CPLANE1: variants seen among roughly 807,000 people sequenced by gnomAD.
CPLANE1 encodes the protein ciliogenesis and planar polarity effector 1.
A neutral mutation model predicts 362.5 loss-of-function variants in CPLANE1; 263 were observed. The observed-to-expected ratio is 0.73, with a 90% CI of 0.66 to 0.80. CPLANE1 has a LOEUF of 0.80. CPLANE1 is among the 30% of genes least tolerant of loss of function. The pLI is 0.00. For missense variants in CPLANE1, 3,461 were observed against 3,793.4 expected (o/e 0.91, Z 2.30); for synonymous variants, 1,212 against 1,302.6 (o/e 0.93, Z 1.50).
chr5:37,234,173 A>G (rs1186030911), intron 8 of CPLANE1, among the ~76,000 whole-genome samples: 1 of 152,186 alleles, frequency 6.6e-6, no homozygotes, highest in Non-Finnish European at 1.5e-5. Flanking sequence ...CAGAAAACAT[A>G]AGAAAAGCAA....
chr5:37,196,780 T>C (rs559686748), intron 20 of CPLANE1, among the ~76,000 whole-genome samples: 2 of 152,006 alleles, frequency 1.3e-5, no homozygotes, highest in South Asian at 2.1e-4. Flanking sequence ...CAAAAATTAG[T>C]TGGGCGAGGT....
chr5:37,240,437 C>A (rs922145940), intron 6 of CPLANE1, among the ~76,000 whole-genome samples: 2 of 152,142 alleles, frequency 1.3e-5, no homozygotes, highest in Non-Finnish European at 2.9e-5. Context: ...AGCATCTCCT[C>A]GGATTCTTGT....
At chr5:37,198,219 A>C (rs1174483080) in intron 20 of CPLANE1, among the ~76,000 whole-genome samples, 6 of 152,310 alleles carry the variant, frequency 3.9e-5, no homozygotes, top group African/African-American at 1.4e-4. Flanking sequence ...ATAGAAGGGG[A>C]TGAACACCTG....
intron 31 of CPLANE1, among the ~76,000 whole-genome samples, chr5:37,174,292 A>T (rs1451811612): frequency 6.6e-6 from 1 of 152,244 alleles, no homozygotes; most frequent in East Asian, 1.9e-4. Context: ...TTAGCTGTAC[A>T]GACTTCACAA....
intron 43 of CPLANE1, 197 bp from the exon 44 acceptor site, chr5:37,142,677 A>AT: frequency 2.6e-6 from 1 of 389,008 alleles, no homozygotes; most frequent in Non-Finnish European, 4.5e-6. Context: ...AATAAACAAG[A>AT]TTTATTAGAC....
chr5:37,114,046 C>T (rs368413194), intron 51 of CPLANE1, among the ~76,000 whole-genome samples: 1 of 152,078 alleles, frequency 6.6e-6, no homozygotes, highest in Admixed American at 6.5e-5. Context: ...TTCTTGGCCT[C>T]GTGATCCAAC....
In CPLANE1 at chr5:37,165,633, C is replaced by T. The variant is rs1778043029; in HGVS notation, c.7439G>A (p.Arg2480Lys). The change falls in exon 36 of 53, where the codon AGA becomes AAA. Residue 2480 changes from arginine (R) to lysine (K), a missense_variant. This residue lies in a region of CPLANE1 where 3,380 missense variants were observed against 3,666.1 expected (regional missense o/e 0.92). Coordinates refer to ENST00000651892, the MANE Select transcript of CPLANE1 (RefSeq NM_001384732.1). ...RRAEKELQEKRCEKLRRKPNV... is the reference protein window; with the variant it reads ...RRAEKELQEKKCEKLRRKPNV... ...TGGTTTTCTCCTCAGTTTCTCACATCTTTTTTCTTGCAGCTCTTTCTCAGC... is the reference window on the plus strand; with the variant it reads ...TGGTTTTCTCCTCAGTTTCTCACATTTTTTTTCTTGCAGCTCTTTCTCAGC... 1.2e-6 allele frequency: 2 copies of T among 1,611,466 alleles called. No homozygotes were observed. Among genetic ancestry groups the T allele is most frequent in the South Asian group, 2.2e-5 (2 of 90,172 alleles).
intron 51 of CPLANE1, among the ~76,000 whole-genome samples, chr5:37,110,961 C>A (rs1759077363): frequency 6.6e-6 from 1 of 151,254 alleles, no homozygotes; most frequent in South Asian, 2.1e-4. Context: ...GCACCCGCCA[C>A]CACACCCGGC....
At chr5:37,235,896 T>A in intron 8 of CPLANE1, among the ~76,000 whole-genome samples, 1 of 122,578 alleles carries the variant, frequency 8.2e-6, no homozygotes, top group Non-Finnish European at 1.7e-5. Flanking sequence ...TTGGACAGAG[T>A]TTCACTCTTG....
Position 37,187,537 on chromosome 5 carries a change from C to T in CPLANE1, c.3957G>A (p.Glu1319=), listed in dbSNP as rs1194425068. ...CCCATTCCACTGCACTAAGACAGTG[C>T]TCAATCATACAAGAATCAAACTCCA... ...LEVEFDSCMI[E]HCLSAVEWAY... is the part of the protein sequence containing the mutation. Residue 1319 remains glutamate (E), a synonymous_variant, in exon 23 of 53, where the codon GAG becomes GAA. Coordinates refer to ENST00000651892, the MANE Select transcript of CPLANE1 (RefSeq NM_001384732.1). 6.2e-7 allele frequency: 1 copy of T among 1,609,188 alleles called. No individual in the cohort carries two copies.
At chr5:37,195,292 T>G (rs945377291) in intron 21 of CPLANE1, among the ~76,000 whole-genome samples, 1 of 152,126 alleles carries the variant, frequency 6.6e-6, no homozygotes, top group Non-Finnish European at 1.5e-5. Flanking sequence ...TAACTGGACA[T>G]AGACCACGAA....
At chr5:37,245,927 C>G (rs1739470672) in intron 2 of CPLANE1, 82 bp from the exon 3 acceptor site, 2 of 1,289,368 alleles carry the variant, frequency 1.6e-6, no homozygotes, top group Non-Finnish European at 2.1e-6. Context: ...TCCCAGAAAT[C>G]AAAGCGACAT....
the CPLANE1 span, among the ~76,000 whole-genome samples, chr5:37,095,746 T>C: frequency 6.6e-6 from 1 of 152,158 alleles, no homozygotes; most frequent in East Asian, 1.9e-4. Flanking sequence ...GGATACCAAA[T>C]TAATGTGCAC....
At chr5:37,189,956 G>A (rs553176881) in intron 21 of CPLANE1, among the ~76,000 whole-genome samples, 19 of 151,224 alleles carry the variant, frequency 1.3e-4, no homozygotes, top group South Asian at 8.4e-4. Context: ...CTGAGATCAC[G>A]CCACTGCACT....
chr5:37,153,035 G>A (rs1774014524), intron 42 of CPLANE1, among the ~76,000 whole-genome samples: 2 of 152,172 alleles, frequency 1.3e-5, no homozygotes, highest in South Asian at 4.2e-4. Context: ...AGAGAAAAAT[G>A]ATAATTACAA....
At chr5:37,148,082 T>A in intron 43 of CPLANE1, 99 bp downstream of exon 43, 1 of 679,026 alleles carries the variant, frequency 1.5e-6, no homozygotes, top group South Asian at 3.4e-5. Context: ...GCTCACATAA[T>A]GAAAACTACT....
At chr5:37,193,516 G>A (rs1263755721) in intron 21 of CPLANE1, among the ~76,000 whole-genome samples, 1 of 151,962 alleles carries the variant, frequency 6.6e-6, no homozygotes, top group African/African-American at 2.4e-5. Flanking sequence ...TTAGCTGGGC[G>A]CAGCAGCGGG....
Position 37,201,680 on chromosome 5 carries a change from A to T in CPLANE1, c.3418T>A (p.Phe1140Ile). 6.2e-7 allele frequency: 1 copy of T among 1,614,212 alleles called. No individual in the cohort carries two copies. Among genetic ancestry groups the T allele is most frequent in the East Asian group, 2.2e-5 (1 of 44,880 alleles). The change falls in exon 19 of 53, where the codon TTC (phenylalanine) becomes ATC (isoleucine). Residue 1140 changes from phenylalanine (F) to isoleucine (I), a missense_variant. Coordinates refer to ENST00000651892, the MANE Select transcript of CPLANE1 (RefSeq NM_001384732.1). ...FQLLIDSAKD[F>I]SKRLWGLVPF... ...ACTAAGCCCCACAGTCTTTTACTGA[A>T]GTCCTTGGCAGAGTCTATCAGAAGT...
chr5:37,180,932 C>A lies in CPLANE1; in HGVS notation c.5495G>T (p.Gly1832Val). The A allele has an allele frequency of 6.2e-7, 1 of 1,613,702 alleles. No individual in the cohort carries two copies. The highest frequency in any genetic ancestry group is 8.5e-7 in the Non-Finnish European group (1 of 1,179,610). The change falls in exon 27 of 53, where the codon GGT becomes GTT. Residue 1832 changes from glycine (G) to valine (V), a missense_variant. Gly to Val is a moderately radical substitution (Grantham distance 109). Transcript: ENST00000651892. ...ACCTGGAGTTGCTACTGCAACTGAACCGCCAGCATCTGATTTGCTCTCCCT... is the reference window on the plus strand; with the variant it reads ...ACCTGGAGTTGCTACTGCAACTGAAACGCCAGCATCTGATTTGCTCTCCCT... ...IERESKSDAG[G>V]SVAVATPGGT...
Sources: allele counts gnomAD v4.1 joint callset (sites outside exome capture counted in the v4.1 genomes callset), GRCh38; gene constraint gnomAD v4.1.1; regional missense constraint gnomAD v4.1.1; transcripts MANE v1.5; gene names NCBI Gene and HGNC (gene_info 2026-07-23, HGNC 2026-07-21).